The following SCNN1B variants were observed in gnomAD, a reference collection of about 807,000 sequenced individuals.
SCNN1B encodes the protein epithelial sodium channel subunit beta.
In SCNN1B, 46 loss-of-function variants were observed where a neutral mutation model predicts 65.3. The observed-to-expected ratio is 0.70, with a 90% CI of 0.56 to 0.90. The LOEUF (loss-of-function observed/expected upper bound fraction) is 0.90, where lower values mean the gene tolerates loss of function less well. SCNN1B is among the 40% of genes least tolerant of loss of function. The pLI is 0.00. For synonymous variants in SCNN1B, 349 were observed against 330.6 expected (o/e 1.06, Z -0.60); for missense variants, 751 against 830.5 (o/e 0.90, Z 1.18).
intron 1 of SCNN1B, chr16:23,304,006 C>A (rs759695345): frequency 7.4e-7 from 1 of 1,358,422 alleles, no homozygotes; most frequent in South Asian, 1.2e-5. Flanking sequence ...ATCCATGCTG[C>A]TGCATATAAA....
rs557371658 is a variant in SCNN1B at position 23,286,098 on chromosome 16, C to T, written n.178+2294C>T. Among the ~76,000 whole-genome samples, 10 of 152,280 alleles carry T rather than the reference C, an allele frequency of 6.6e-5. No homozygotes were observed. The East Asian group carries it at 1.3e-3, about 21-fold the overall frequency. The stretch of plus-strand genomic sequence containing the variant: ...AGGAACTATTTGTCATCATTGGAGG[C>T]AGCTGTTGCATCAAGTCCTTACTCT... On this transcript the variant is annotated intron_variant and non_coding_transcript_variant, in intron 2 of 3. Coordinates refer to the SCNN1B transcript ENST00000569789.
In SCNN1B at chr16:23,348,523, C is replaced by T. The variant is rs901126010; in HGVS notation, c.-8-69C>T. The T allele has an allele frequency of 4.1e-5, 62 of 1,499,406 alleles. No homozygotes were observed. In the African/African-American group the frequency reaches 5.9e-4, roughly 14 times the overall value. The allele number at this position is 1,499,406 out of a possible 1,614,324, so 92.9% of individuals were successfully genotyped here. A position where few individuals can be genotyped will look rare whatever the true frequency, so the allele number is the denominator to read the frequency against. Reference sequence around the variant, plus strand: ...GACGTACCGCCGCCCAGTTCCTGGACGTGACTGGGACATCCTCGCAGGCAA... The same window carrying T: ...GACGTACCGCCGCCCAGTTCCTGGATGTGACTGGGACATCCTCGCAGGCAA... On this transcript the variant is annotated intron_variant, in intron 1 of 12. Transcript: ENST00000343070. The surrounding 1 kb of genome is among the most constrained non-coding windows in gnomAD (Gnocchi z 4.5).
In SCNN1B at chr16:23,380,629, C is replaced by T. The variant is rs1341735300; in HGVS notation, c.1751C>T (p.Ala584Val). 2.5e-6 allele frequency: 4 copies of T among 1,613,502 alleles called. No individual in the cohort carries two copies. The highest frequency in any genetic ancestry group is 2.7e-5 in the African/African-American group (2 of 74,934). Reference sequence around the variant, plus strand: ...CCCACCGTGGCCGAGCTGGTGGAGGCCCACACCAACTTTGGCTTCCAGCCT... The same window carrying T: ...CCCACCGTGGCCGAGCTGGTGGAGGTCCACACCAACTTTGGCTTCCAGCCT... ...PPPTVAELVE[A>V]HTNFGFQPDT... Residue 584 changes from alanine to valine, a missense_variant, in exon 13 of 13, where the codon GCC (alanine) becomes GTC (valine). By Grantham distance (64) the Ala-to-Val change is moderately conservative. Coordinates refer to ENST00000343070, the MANE Select transcript of SCNN1B (RefSeq NM_000336.3). The surrounding 1 kb of genome is among the most constrained non-coding windows in gnomAD (Gnocchi z 5.4).
intron 1 of SCNN1B, among the ~76,000 whole-genome samples, chr16:23,339,329 G>C (rs1036721281): frequency 6.6e-6 from 1 of 151,858 alleles, no homozygotes; most frequent in African/African-American, 2.4e-5. Context: ...GAACATATAT[G>C]TACAAGTCTG....
chr16:23,281,805 C>T (rs535615370), intron 1 of SCNN1B, among the ~76,000 whole-genome samples: 19 of 152,262 alleles, frequency 1.2e-4, no homozygotes, highest in African/African-American at 4.1e-4. Context: ...TTGAGTTTGC[C>T]TCCTGATTAT....
intron 7 of SCNN1B, among the ~76,000 whole-genome samples, chr16:23,375,118 G>A (rs913478863): frequency 1.3e-5 from 2 of 152,144 alleles, no homozygotes; most frequent in Non-Finnish European, 2.9e-5. Flanking sequence ...GGGGCCGAGT[G>A]AGTGGAGACT....
chr16:23,316,448 A>C (rs1014686695), intron 1 of SCNN1B, among the ~76,000 whole-genome samples: 14 of 149,958 alleles, frequency 9.3e-5, no homozygotes, highest in Non-Finnish European at 2.1e-4. Context: ...CACCATCATC[A>C]TCATCACCAT....
intron 1 of SCNN1B, among the ~76,000 whole-genome samples, chr16:23,282,292 C>A (rs1015135143): frequency 6.6e-6 from 1 of 152,140 alleles, no homozygotes; most frequent in African/African-American, 2.4e-5. Flanking sequence ...GGGGGAAGAA[C>A]AGATAGGGTT....
At chr16:23,280,043 C>T (rs1960762392) in intron 1 of SCNN1B, among the ~76,000 whole-genome samples, 2 of 152,124 alleles carry the variant, frequency 1.3e-5, no homozygotes, top group African/African-American at 4.8e-5. Flanking sequence ...GATTTTAGAA[C>T]AACAATCTTC....
At chr16:23,334,488 G>A (rs554356444) in intron 1 of SCNN1B, among the ~76,000 whole-genome samples, 1 of 152,258 alleles carries the variant, frequency 6.6e-6, no homozygotes, top group African/African-American at 2.4e-5. Context: ...TGGGGGACAG[G>A]GGTGCTCCAG....
intron 4 of SCNN1B, among the ~76,000 whole-genome samples, chr16:23,364,147 C>T (rs976054244): frequency 1.1e-4 from 17 of 152,048 alleles, no homozygotes; most frequent in African/African-American, 3.6e-4. Flanking sequence ...GCCTGGGCAA[C>T]AAGAGTGAAA....
chr16:23,333,142 GAA>G, intron 1 of SCNN1B, among the ~76,000 whole-genome samples: 1 of 109,000 alleles, frequency 9.2e-6, no homozygotes, highest in African/African-American at 4.5e-5. Context: ...AGGGAGGAAG[GAA>G]GGAAAGAAGG....
chr16:23,335,800 C>G (rs1285834794), intron 1 of SCNN1B, among the ~76,000 whole-genome samples: 1 of 151,962 alleles, frequency 6.6e-6, no homozygotes, highest in African/African-American at 2.4e-5. Flanking sequence ...CTGTTCTACC[C>G]TTTCTTTGCT....
rs1030635841 is a variant in SCNN1B at position 23,349,551 on chromosome 16, T to TA, written c.311+648dup. On this transcript the variant is annotated intron_variant, in intron 2 of 12. Coordinates refer to ENST00000343070, the MANE Select transcript of SCNN1B (RefSeq NM_000336.3). Reference sequence around the variant, plus strand: ...GGTAACAGATGCTATCTCTTAAAAATAAAAAAATCATAAGTTTCCTAGGCT... The same window carrying TA: ...GGTAACAGATGCTATCTCTTAAAAATAAAAAAAATCATAAGTTTCCTAGGCT... Among the ~76,000 whole-genome samples, 12 of 151,386 alleles carry TA rather than the reference T, an allele frequency of 7.9e-5. No homozygotes were observed. The East Asian group carries it at 9.9e-4, about 13-fold the overall frequency.
At chr16:23,322,580 G>A (rs1431541105) in intron 1 of SCNN1B, among the ~76,000 whole-genome samples, 1 of 151,996 alleles carries the variant, frequency 6.6e-6, no homozygotes, top group African/African-American at 2.4e-5. Context: ...CAAAGTGCTG[G>A]CATTACAGGC....
At chr16:23,330,397 G>C (rs1202265344) in intron 1 of SCNN1B, among the ~76,000 whole-genome samples, 2 of 152,212 alleles carry the variant, frequency 1.3e-5, no homozygotes, top group African/African-American at 4.8e-5. Context: ...ATTGACAAAA[G>C]CAGGCTGAGA....
intron 1 of SCNN1B, among the ~76,000 whole-genome samples, chr16:23,336,273 A>G (rs900372692): frequency 6.6e-6 from 1 of 152,224 alleles, no homozygotes; most frequent in Non-Finnish European, 1.5e-5. Flanking sequence ...CACACCAGGA[A>G]ATGCCTTGGA....
At chr16:23,303,088 T>C (rs1432712287) in intron 1 of SCNN1B, among the ~76,000 whole-genome samples, 1 of 152,164 alleles carries the variant, frequency 6.6e-6, no homozygotes, top group Non-Finnish European at 1.5e-5. Flanking sequence ...TGCAGTTGTC[T>C]GCGCTGAGGA....
rs758444281 is a variant in SCNN1B at position 23,377,180 on chromosome 16, A to C, written c.1286A>C (p.Asp429Ala). The C allele has an allele frequency of 6.2e-7, 1 of 1,614,040 alleles. No homozygotes were observed. The highest frequency in any genetic ancestry group is 1.3e-5 in the African/African-American group (1 of 74,932). Reference protein sequence around the residue: ...DFPDWAHCYSDLQMSVAQRET... With the variant: ...DFPDWAHCYSALQMSVAQRET... Reference sequence around the variant, plus strand: ...TCCTGCGCAGCCCATTGCTACTCAGATCTACAGATGAGCGTGGCGCAGAGA... The same window carrying C: ...TCCTGCGCAGCCCATTGCTACTCAGCTCTACAGATGAGCGTGGCGCAGAGA... Residue 429 changes from aspartate (D) to alanine (A), a missense_variant, in exon 9 of 13, where the codon GAT (aspartate) becomes GCT (alanine). Transcript: ENST00000343070.
Sources: gnomAD v4.1 joint callset for allele counts (sites outside exome capture counted in the v4.1 genomes callset) on GRCh38, gnomAD v4.1.1 for gene constraint, Gnocchi (gnomAD v3.1) non-coding constraint, MANE v1.5 for transcripts, NCBI Gene and HGNC (gene_info 2026-07-23, HGNC 2026-07-21) for gene names.